Variants in ADAMTSL3 observed in about 807,000 individuals in gnomAD.
ADAMTSL3 encodes ADAMTS-like protein 3.
A neutral mutation model predicts 201.7 loss-of-function variants in ADAMTSL3; 128 were observed. The observed-to-expected ratio is 0.63, with a 90% CI of 0.55 to 0.73. ADAMTSL3 has a LOEUF of 0.73. Among genes scored for constraint, ADAMTSL3 ranks in the 30% least tolerant of loss-of-function variants. The pLI, the probability that ADAMTSL3 is intolerant of heterozygous loss-of-function variation, is 0.00. For synonymous variants in ADAMTSL3, 738 were observed against 748.4 expected, an observed-to-expected ratio of 0.99 and a Z score of 0.23; for missense variants, 1,990 against 2,119.6, an observed-to-expected ratio of 0.94 and a Z score of 1.20.
At chr15:83,838,037 C>G in intron 6 of ADAMTSL3, 52 bp from the exon 7 acceptor site, 1 of 1,573,998 alleles carries the variant, frequency 6.4e-7, no homozygotes, top group Non-Finnish European at 8.6e-7. Flanking sequence ...ATGAAGAGAG[C>G]TCCCCCTCCC....
intron 27 of ADAMTSL3, among the ~76,000 whole-genome samples, chr15:84,027,446 C>A (rs1037909648): frequency 6.6e-6 from 1 of 152,268 alleles, no homozygotes; most frequent in South Asian, 2.1e-4. Context: ...AAACGGAGGC[C>A]GGGCGCGGTG....
intron 3 of ADAMTSL3, chr15:83,740,208 T>C (rs2062432675): frequency 5.2e-6 from 1 of 191,384 alleles, no homozygotes; most frequent in Non-Finnish European, 1.1e-5. Context: ...CCACAGATAA[T>C]ACATGCTCAT....
intron 3 of ADAMTSL3, among the ~76,000 whole-genome samples, chr15:83,706,320 C>T (rs1476259187): frequency 1.3e-5 from 2 of 152,152 alleles, no homozygotes; most frequent in African/African-American, 4.8e-5. Context: ...CAAGCCCCTT[C>T]AGTCTTTTCA....
At chr15:83,807,550 A>G (rs545846755) in intron 5 of ADAMTSL3, among the ~76,000 whole-genome samples, 1 of 152,212 alleles carries the variant, frequency 6.6e-6, no homozygotes. Context: ...TGTCCTTACT[A>G]TCCAAAGTGA....
chr15:83,859,076 A>C (rs905719582), intron 8 of ADAMTSL3, among the ~76,000 whole-genome samples: 2 of 152,230 alleles, frequency 1.3e-5, no homozygotes, highest in African/African-American at 4.8e-5. Flanking sequence ...AGCAAGGAGA[A>C]TCAAACAGCT....
rs1596302043 is a variant in ADAMTSL3 at position 83,840,252 on chromosome 15, A to C, written c.727+2037A>C. Among the ~76,000 whole-genome samples the C allele has an allele frequency of 2.6e-5, 4 of 152,280 alleles. No homozygotes were observed. The South Asian group carries it at 8.3e-4, about 32-fold the overall frequency. On this transcript the variant is annotated intron_variant, in intron 7 of 29. Transcript: ENST00000286744. ...CCCCAAAGGAATAAGTAATTTCAAA[A>C]ATGAGATGGGGGTGGCCAGCAATGT...
In ADAMTSL3 at chr15:83,773,535, A is replaced by C; in HGVS notation, c.202A>C (p.Thr68Pro). The part of the protein sequence containing the change: ...YRYDDQTSRN[T>P]RSDEDKDGNW... Reference sequence around the variant, plus strand: ...TTTTAACATCTAGACCTCAAGAAACACTCGTTCAGATGAAGACAAAGATGG... The same window carrying C: ...TTTTAACATCTAGACCTCAAGAAACCCTCGTTCAGATGAAGACAAAGATGG... The change falls in exon 4 of 30, where the codon ACT (threonine) becomes CCT (proline). Residue 68 changes from threonine (T) to proline (P), a missense_variant. By Grantham distance (38) the Thr-to-Pro change is conservative. Transcript: ENST00000286744. 6.2e-7 allele frequency: 1 copy of C among 1,613,720 alleles called. No homozygotes were observed. The highest frequency in any genetic ancestry group is 1.1e-5 in the South Asian group (1 of 91,074).
rs116533824 is a variant in ADAMTSL3, at chr15:83,924,979, G to A, written c.2117+946G>A. 8.6e-3 allele frequency among the ~76,000 whole-genome samples: 1,303 copies of A among 152,192 alleles called. 17 individuals carry two copies. Among genetic ancestry groups the A allele is most frequent in the African/African-American group, 0.029 (1,222 of 41,516 alleles). Reference sequence around the variant, plus strand: ...CTCAGTGATTGAGGGAGGTTATTGTGTCCTCCTGCCGTATTAGTCTAAGGA... The same window carrying A: ...CTCAGTGATTGAGGGAGGTTATTGTATCCTCCTGCCGTATTAGTCTAAGGA... On this transcript the variant is annotated intron_variant, in intron 17 of 29. Transcript: ENST00000286744.
chr15:84,016,786 T>C (rs1474381746), intron 25 of ADAMTSL3, among the ~76,000 whole-genome samples: 1 of 152,238 alleles, frequency 6.6e-6, no homozygotes, highest in Non-Finnish European at 1.5e-5. Flanking sequence ...TTCAAAACTA[T>C]TGCCAATTTG....
intron 3 of ADAMTSL3, among the ~76,000 whole-genome samples, chr15:83,762,250 T>C (rs2062818887): frequency 1.3e-5 from 2 of 152,124 alleles, no homozygotes; most frequent in Admixed American, 1.3e-4. Flanking sequence ...ATATCTTATG[T>C]CTGAAATACT....
At chr15:84,037,442 T>C (rs951228170) in intron 29 of ADAMTSL3, among the ~76,000 whole-genome samples, 1 of 152,162 alleles carries the variant, frequency 6.6e-6, no homozygotes, top group African/African-American at 2.4e-5. Context: ...AAGTTAAGCA[T>C]TGCTGCTCTG....
Position 83,687,818 on chromosome 15 carries a change from G to A in ADAMTSL3, c.70-16571G>A, listed in dbSNP as rs188641499. Among the ~76,000 whole-genome samples, 4 of 152,222 alleles carry A rather than the reference G, an allele frequency of 2.6e-5. No homozygotes were observed. The East Asian group carries it at 5.8e-4, about 22-fold the overall frequency. On this transcript the variant is annotated intron_variant, in intron 2 of 29. Coordinates refer to ENST00000286744, the MANE Select transcript of ADAMTSL3 (RefSeq NM_207517.3). Reference sequence around the variant, plus strand: ...CTCTTATTGAAACAGTACTGATGGCGGGGATGGAGGAAAACTGGAACAGCC... The same window carrying A: ...CTCTTATTGAAACAGTACTGATGGCAGGGATGGAGGAAAACTGGAACAGCC...
intron 7 of ADAMTSL3, among the ~76,000 whole-genome samples, chr15:83,843,607 T>C (rs2064430158): frequency 6.6e-6 from 1 of 152,018 alleles, no homozygotes; most frequent in African/African-American, 2.4e-5. Context: ...TGTCTCCCCC[T>C]GAGTGTGCAT....
At chr15:83,857,285 A>C (rs369452417) in intron 7 of ADAMTSL3, among the ~76,000 whole-genome samples, 1 of 152,212 alleles carries the variant, frequency 6.6e-6, no homozygotes, top group South Asian at 2.1e-4. Context: ...CATTCTGTTC[A>C]TAGTGTCCTT....
chr15:83,757,052 GT>G (rs1479220385), intron 3 of ADAMTSL3, among the ~76,000 whole-genome samples: 1 of 152,204 alleles, frequency 6.6e-6, no homozygotes, highest in African/African-American at 2.4e-5. Context: ...GGTATTGAGT[GT>G]TTGCAGCTTT....
At chr15:83,704,021 C>CGA (rs1567084854) in intron 2 of ADAMTSL3, among the ~76,000 whole-genome samples, 1 of 144,128 alleles carries the variant, frequency 6.9e-6, no homozygotes, top group Non-Finnish European at 1.5e-5. Context: ...AAAAAAAACA[C>CGA]AAAAGGAAGA....
intron 6 of ADAMTSL3, among the ~76,000 whole-genome samples, chr15:83,835,681 G>A (rs1257284511): frequency 1.3e-5 from 2 of 152,168 alleles, no homozygotes; most frequent in Non-Finnish European, 2.9e-5. Flanking sequence ...ACTCCCCTTG[G>A]AGAAAGTTGC....
Position 83,731,607 on chromosome 15 carries a change from C to T in ADAMTSL3, c.189+27099C>T, listed in dbSNP as rs367989918. The stretch of plus-strand genomic sequence containing the variant: ...TGTCTTGAAGAGATATCTGCACTCC[C>T]GTGTTCATTGCAGTGTTATACTCAA... On this transcript the variant is annotated intron_variant, in intron 3 of 29. Transcript: ENST00000286744. Among the ~76,000 whole-genome samples the T allele has an allele frequency of 3.9e-4, 59 of 152,038 alleles. 1 individual carries two copies. The highest frequency in any genetic ancestry group is 2.3e-3 in the East Asian group (12 of 5,172).
chr15:83,786,941 G>A (rs1487953732), intron 4 of ADAMTSL3, among the ~76,000 whole-genome samples: 3 of 152,140 alleles, frequency 2.0e-5, no homozygotes. Context: ...TCCGAGATCT[G>A]ACATAGTTTC....
Sources: allele counts gnomAD v4.1 joint callset (sites outside exome capture counted in the v4.1 genomes callset), GRCh38; gene constraint gnomAD v4.1.1; transcripts MANE v1.5; gene names NCBI Gene and HGNC (gene_info 2026-07-23, HGNC 2026-07-21).